SPG11: variants seen among roughly 807,000 people sequenced by gnomAD.
The protein encoded by SPG11 is spatacsin.
SPG11 carries 222 observed loss-of-function variants against 274.0 expected under a neutral mutation model. The observed-to-expected ratio is 0.81, with a 90% CI of 0.73 to 0.91. SPG11 has a LOEUF of 0.91. SPG11 is among the 40% of genes least tolerant of loss of function. SPG11 has a pLI of 0.00. For synonymous variants in SPG11, 1,144 were observed against 1,039.7 expected (o/e 1.10, Z -1.93); for missense variants, 3,114 against 2,872.7 (o/e 1.08, Z -1.92).
chr15:44,603,683 T>C (rs1003198382), intron 20 of SPG11, among the ~76,000 whole-genome samples: 35 of 152,310 alleles, frequency 2.3e-4, no homozygotes, highest in African/African-American at 7.7e-4. Flanking sequence ...CCTGAAACCC[T>C]TGGATACCAA....
In SPG11 at chr15:44,592,348, G is replaced by GA; in HGVS notation, c.4725dup (p.Gln1576SerfsTer5). On this transcript the variant is annotated frameshift_variant, in exon 27 of 40. Coordinates refer to ENST00000261866, the MANE Select transcript of SPG11 (RefSeq NM_025137.4). LOFTEE classifies it high-confidence loss of function. Reference sequence around the variant, plus strand: ...CAACTTACCGTTTCAAGGCTCTTCTGAAACTCCAGAAGTTTAGCTTCAGCT... The same window carrying GA: ...CAACTTACCGTTTCAAGGCTCTTCTGAAAACTCCAGAAGTTTAGCTTCAGCT... The GA allele has an allele frequency of 6.2e-7, 1 of 1,607,124 alleles. No homozygotes were observed. The highest frequency in any genetic ancestry group is 8.5e-7 in the Non-Finnish European group (1 of 1,173,744).
chr15:44,570,431 C>A, intron 34 of SPG11, 94 bp downstream of exon 34: 3 of 1,533,882 alleles, frequency 2.0e-6, no homozygotes, highest in Non-Finnish European at 2.7e-6. Flanking sequence ...GCAGAACCCC[C>A]TACGACTACA....
rs2141015218 is a variant in SPG11, at chr15:44,615,557, A to T, written c.2844T>A (p.Val948=). The T allele has an allele frequency of 6.2e-7, 1 of 1,614,038 alleles. No individual in the cohort carries two copies. Among genetic ancestry groups the T allele is most frequent in the Non-Finnish European group, 8.5e-7 (1 of 1,180,000 alleles). The change falls in exon 16 of 40, where the codon GTT becomes GTA. Residue 948 remains valine, a synonymous_variant. Coordinates refer to ENST00000261866, the MANE Select transcript of SPG11 (RefSeq NM_025137.4). ...AGTCTTCCAGTTCAGATGCCAAAAA[A>T]ACCCCATTCCTATGGACAGATTTAT... The part of the protein sequence containing the change: ...EILDKLARNG[V]FLASELEDFE...
At chr15:44,660,155 T>C (rs989111548) in intron 2 of SPG11, among the ~76,000 whole-genome samples, 1 of 152,214 alleles carries the variant, frequency 6.6e-6, no homozygotes, top group Non-Finnish European at 1.5e-5. Flanking sequence ...TTAGCTTATA[T>C]TCAAAGTATT....
chr15:44,566,045 G>C, intron 37 of SPG11, 36 bp from the exon 38 acceptor site: 1 of 1,612,600 alleles, frequency 6.2e-7, no homozygotes, highest in Non-Finnish European at 8.5e-7. Context: ...AGTAGAGAAA[G>C]ACCTAGTTGT....
intron 10 of SPG11, among the ~76,000 whole-genome samples, chr15:44,628,381 C>T (rs900805908): frequency 1.3e-5 from 2 of 152,212 alleles, no homozygotes; most frequent in African/African-American, 4.8e-5. Flanking sequence ...GGGAGTATTG[C>T]TAAGGAGTAC....
At chr15:44,659,327 T>A in intron 2 of SPG11, 24 bp from the exon 3 acceptor site, 1 of 1,582,074 alleles carries the variant, frequency 6.3e-7, no homozygotes, top group Non-Finnish European at 8.7e-7. Context: ...GGATATTATT[T>A]CAAACTCATT....
intron 28 of SPG11, among the ~76,000 whole-genome samples, chr15:44,587,382 A>G (rs1242187800): frequency 1.3e-5 from 2 of 152,090 alleles, no homozygotes; most frequent in Admixed American, 6.6e-5. Context: ...AATCATATAA[A>G]ACACGTTTTT....
chr15:44,660,673 A>C, intron 1 of SPG11, 57 bp from the exon 2 acceptor site: 1 of 1,518,522 alleles, frequency 6.6e-7, no homozygotes, highest in Non-Finnish European at 9.1e-7. Context: ...ATTTACCCAC[A>C]ATGGTGGGGG....
At position 44,585,731 on chromosome 15, in the gene SPG11, T is replaced by C. The variant is rs772949610; in HGVS notation, c.5026A>G (p.Ile1676Val). 5.6e-6 allele frequency: 9 copies of C among 1,613,238 alleles called. No individual in the cohort carries two copies. The highest frequency in any genetic ancestry group is 1.3e-5 in the African/African-American group (1 of 74,826). ...IENLQHECRS[I>V]LERLQTDGQF... is the part of the protein sequence containing the mutation. The stretch of plus-strand genomic sequence containing the variant: ...CCATCTGTCTGCAGTCTTTCCAAAA[T>C]AGATCTACATTCATGCTGAAGATTC... Residue 1676 changes from isoleucine (I) to valine (V), a missense_variant, in exon 29 of 40, where the codon ATT becomes GTT. Physicochemically the swap from Ile to Val is conservative, Grantham distance 29. Transcript: ENST00000261866.
chr15:44,599,898 CAGGTTACATA>C (rs1251160378), intron 21 of SPG11, among the ~76,000 whole-genome samples: 9 of 152,050 alleles, frequency 5.9e-5, no homozygotes, highest in Non-Finnish European at 2.9e-5. Flanking sequence ...GCAGAACATG[CAGGTTACATA>C]GGTATACATG....
At chr15:44,595,655 T>TCA (rs2140970603) in intron 25 of SPG11, among the ~76,000 whole-genome samples, 196 bp from the exon 26 acceptor site, 1 of 152,228 alleles carries the variant, frequency 6.6e-6, no homozygotes, top group South Asian at 2.1e-4. Flanking sequence ...GTGTTGCAGG[T>TCA]CACAAGACCA....
chr15:44,658,711 G>A (rs947126219), intron 3 of SPG11, among the ~76,000 whole-genome samples: 6 of 151,878 alleles, frequency 4.0e-5, no homozygotes, highest in South Asian at 4.1e-4. Flanking sequence ...CGCCCACCTC[G>A]GCCTCCCAAA....
rs367838483 is a variant in SPG11, at chr15:44,626,397, T to C, written c.2178A>G (p.Leu726=). ...QKLEELIGIG[L]NLVFDNLKKN... is the part of the protein sequence containing the mutation. ...TTTTTAAATTGTCAAAGACCAAATT[T>C]AGGCCTATGCCAATAAGCTCCTCAA... The change falls in exon 11 of 40, where the codon CTA becomes CTG. Residue 726 remains leucine, a synonymous_variant. Coordinates refer to ENST00000261866, the MANE Select transcript of SPG11 (RefSeq NM_025137.4). The C allele has an allele frequency of 6.2e-7, 1 of 1,613,718 alleles. No homozygotes were observed. Among genetic ancestry groups the C allele is most frequent in the Non-Finnish European group, 8.5e-7 (1 of 1,179,926 alleles).
intron 3 of SPG11, among the ~76,000 whole-genome samples, chr15:44,657,863 C>A (rs902550597): frequency 6.6e-6 from 1 of 152,186 alleles, no homozygotes; most frequent in Non-Finnish European, 1.5e-5. Flanking sequence ...GCTTTTAAAT[C>A]TAAAGTAACA....
intron 7 of SPG11, among the ~76,000 whole-genome samples, chr15:44,634,252 T>A (rs1005188083): frequency 1.3e-5 from 2 of 152,148 alleles, no homozygotes; most frequent in African/African-American, 4.8e-5. Context: ...ACCCTTACAA[T>A]TCAGTTATAT....
At chr15:44,603,089 C>T (rs968221102) in intron 20 of SPG11, among the ~76,000 whole-genome samples, 2 of 142,350 alleles carry the variant, frequency 1.4e-5, no homozygotes, top group African/African-American at 5.4e-5. Context: ...CAGGGTCTTG[C>T]TGTTGCCCAG....
rs2083784776 is a variant in SPG11, at chr15:44,622,624, T to C, written c.2316+104A>G. The C allele has an allele frequency of 4.1e-6, 4 of 987,060 alleles. No homozygotes were observed. The East Asian group carries it at 9.6e-5, about 24-fold the overall frequency. 61.1% of individuals were successfully genotyped at this position (987,060 alleles called of 1,614,324 possible). A position where few individuals can be genotyped will look rare whatever the true frequency, so the allele number is the denominator to read the frequency against. On this transcript the variant is annotated intron_variant, in intron 12 of 39. Coordinates refer to ENST00000261866, the MANE Select transcript of SPG11 (RefSeq NM_025137.4). ...CACACTTTTACTTATTAGATATTAGTTGAACATTAAAATTACTTAAGGTTT... is the reference window on the plus strand; with the variant it reads ...CACACTTTTACTTATTAGATATTAGCTGAACATTAAAATTACTTAAGGTTT...
At chr15:44,582,727 C>A (rs1354440282) in intron 30 of SPG11, among the ~76,000 whole-genome samples, 1 of 150,916 alleles carries the variant, frequency 6.6e-6, no homozygotes, top group Non-Finnish European at 1.5e-5. Flanking sequence ...ATTAAAAAAT[C>A]AACTAATGTA....
Sources: gnomAD v4.1 joint callset for allele counts (sites outside exome capture counted in the v4.1 genomes callset) on GRCh38, gnomAD v4.1.1 for gene constraint, MANE v1.5 for transcripts, NCBI Gene and HGNC (gene_info 2026-07-23, HGNC 2026-07-21) for gene names.